Variants in LRRC4C observed in about 807,000 individuals in gnomAD.
LRRC4C encodes leucine-rich repeat-containing protein 4C.
Under a neutral mutation model 33.6 loss-of-function variants are expected in LRRC4C, and 5 were observed. The observed-to-expected ratio is 0.15, with a 90% CI of 0.08 to 0.31. The LOEUF (loss-of-function observed/expected upper bound fraction) is 0.31, where lower values mean the gene tolerates loss of function less well. LRRC4C is among the 10% of genes least tolerant of loss of function. LRRC4C has a pLI of 1.00. For missense variants in LRRC4C, 560 were observed against 796.7 expected (o/e 0.70, Z 3.58); for synonymous variants, 329 against 302.0 (o/e 1.09, Z -0.93).
chr11:41,341,512 T>TC (rs1951638127), intron 1 of LRRC4C, among the ~76,000 whole-genome samples: 1 of 152,080 alleles, frequency 6.6e-6, no homozygotes, highest in South Asian at 2.1e-4. Flanking sequence ...TGCCTGCTTT[T>TC]CCCCCCATTA....
chr11:40,972,123 T>C (rs1851765427), intron 1 of LRRC4C, among the ~76,000 whole-genome samples: 1 of 151,080 alleles, frequency 6.6e-6, no homozygotes, highest in Non-Finnish European at 1.5e-5. Flanking sequence ...TGGGGGACTG[T>C]TGGGAAGCCA....
At chr11:40,687,881 C>T (rs1388695825) in intron 2 of LRRC4C, among the ~76,000 whole-genome samples, 1 of 152,030 alleles carries the variant, frequency 6.6e-6, no homozygotes, top group African/African-American at 2.4e-5. Flanking sequence ...ACTTTACAAA[C>T]AATGAGAACA....
rs1244569662 is a variant in LRRC4C at position 40,396,618 on chromosome 11, C to A, written c.-269-76897G>T. 3.3e-5 allele frequency among the ~76,000 whole-genome samples: 5 copies of A among 151,964 alleles called. No homozygotes were observed. The East Asian group carries it at 5.8e-4, about 18-fold the overall frequency. ...ACATGTAGAATATTTAATAGAGAAA[C>A]CTATTAGTAAAATCGGACATCTATT... On this transcript the variant is annotated intron_variant, in intron 3 of 6. Coordinates refer to ENST00000528697, the MANE Select transcript of LRRC4C (RefSeq NM_001258419.2).
intron 3 of LRRC4C, among the ~76,000 whole-genome samples, chr11:40,627,272 A>C (rs111415747): frequency 8.1e-4 from 88 of 108,742 alleles, no homozygotes; most frequent in East Asian, 2.8e-3. Context: ...AGAGAGAGAG[A>C]GAGCGAGAGA....
At chr11:41,370,176 T>C (rs1259622258) in intron 1 of LRRC4C, among the ~76,000 whole-genome samples, 4 of 152,090 alleles carry the variant, frequency 2.6e-5, no homozygotes, top group African/African-American at 9.7e-5. Flanking sequence ...CTACACATTA[T>C]TTCATTATTT....
intron 4 of LRRC4C, among the ~76,000 whole-genome samples, chr11:40,311,090 A>G (rs1465628443): frequency 1.3e-5 from 2 of 151,952 alleles, no homozygotes; most frequent in Non-Finnish European, 2.9e-5. Flanking sequence ...TTATCCTGTC[A>G]TTTTTTTTCC....
At chr11:40,174,606 T>C (rs1590617727) in intron 5 of LRRC4C, among the ~76,000 whole-genome samples, 1 of 152,188 alleles carries the variant, frequency 6.6e-6, no homozygotes, top group Non-Finnish European at 1.5e-5. Flanking sequence ...GAAGTAGCCA[T>C]AGAAACAGTC....
At chr11:40,544,867 C>G (rs1956855483) in intron 3 of LRRC4C, among the ~76,000 whole-genome samples, 1 of 151,932 alleles carries the variant, frequency 6.6e-6, no homozygotes, top group African/African-American at 2.4e-5. Flanking sequence ...AATACATGGT[C>G]AGAATCTAAA....
At chr11:40,618,125 G>C (rs1169845106) in intron 3 of LRRC4C, among the ~76,000 whole-genome samples, 5 of 151,650 alleles carry the variant, frequency 3.3e-5, no homozygotes, top group African/African-American at 1.2e-4. Flanking sequence ...TAGAACCTCA[G>C]AATGTGACCT....
intron 3 of LRRC4C, among the ~76,000 whole-genome samples, chr11:40,338,882 GA>G (rs1237875312): frequency 6.6e-6 from 1 of 152,170 alleles, no homozygotes; most frequent in Non-Finnish European, 1.5e-5. Context: ...CCTGTTGTTA[GA>G]AATTTACAAT....
intron 1 of LRRC4C, among the ~76,000 whole-genome samples, chr11:41,412,923 CT>C (rs1954542925): frequency 6.6e-6 from 1 of 152,170 alleles, no homozygotes; most frequent in African/African-American, 2.4e-5. Context: ...ATTCCAGCCC[CT>C]CTCTCATTTG....
rs545578012 is a variant in LRRC4C, at chr11:40,433,717, A to G, written c.-269-113996T>C. 3.5e-4 allele frequency among the ~76,000 whole-genome samples: 54 copies of G among 152,288 alleles called. 2 individuals carry two copies. The highest frequency in any genetic ancestry group is 1.2e-3 in the African/African-American group (50 of 41,556). The stretch of plus-strand genomic sequence containing the variant: ...TATAATATGTAAGTCGATGATATTT[A>G]TCATGTTGCCCACAGAGGATATATG... On this transcript the variant is annotated intron_variant, in intron 3 of 6. Coordinates refer to ENST00000528697, the MANE Select transcript of LRRC4C (RefSeq NM_001258419.2).
chr11:40,709,338 G>A (rs1946342188), intron 2 of LRRC4C, among the ~76,000 whole-genome samples: 1 of 152,128 alleles, frequency 6.6e-6, no homozygotes, highest in African/African-American at 2.4e-5. Flanking sequence ...TGCAGTGGCT[G>A]GTAGTAGTTG....
chr11:40,995,041 T>C (rs558699674), intron 1 of LRRC4C, among the ~76,000 whole-genome samples: 1 of 152,278 alleles, frequency 6.6e-6, no homozygotes, highest in African/African-American at 2.4e-5. Flanking sequence ...TTGGAAGTCT[T>C]TGTTGTTGTC....
intron 3 of LRRC4C, among the ~76,000 whole-genome samples, chr11:40,331,228 C>G (rs1946349535): frequency 1.3e-5 from 2 of 152,078 alleles, no homozygotes; most frequent in Admixed American, 6.6e-5. Context: ...GGAGGTTTCT[C>G]CAAAAGCTAA....
chr11:40,324,882 C>A (rs1277777973), intron 3 of LRRC4C, among the ~76,000 whole-genome samples: 1 of 152,038 alleles, frequency 6.6e-6, no homozygotes, highest in African/African-American at 2.4e-5. Context: ...GTTGTGTTGG[C>A]AAGATATTGT....
intron 5 of LRRC4C, among the ~76,000 whole-genome samples, chr11:40,192,443 G>A (rs116167145): frequency 1.1e-3 from 168 of 152,296 alleles, no homozygotes; most frequent in Middle Eastern, 6.8e-3. Context: ...TTTATCTCAC[G>A]GTCTTCGCAA....
At chr11:40,434,606 A>T (rs2137890776) in intron 3 of LRRC4C, among the ~76,000 whole-genome samples, 1 of 152,010 alleles carries the variant, frequency 6.6e-6, no homozygotes, top group East Asian at 1.9e-4. Flanking sequence ...AATCCTAAGA[A>T]CTCAATCAGG....
chr11:41,200,058 T>C (rs1442695166), intron 1 of LRRC4C, among the ~76,000 whole-genome samples: 1 of 152,144 alleles, frequency 6.6e-6, no homozygotes, highest in African/African-American at 2.4e-5. Context: ...TTCTTGTGTG[T>C]CTCTGTTCCT....
Sources: allele counts gnomAD v4.1 joint callset (sites outside exome capture counted in the v4.1 genomes callset), GRCh38; gene constraint gnomAD v4.1.1; transcripts MANE v1.5; gene names NCBI Gene and HGNC (gene_info 2026-07-23, HGNC 2026-07-21).